The following CES1 variants were observed in gnomAD, a reference collection of about 807,000 sequenced individuals.
The protein encoded by CES1 is carboxylesterase 1, also known as liver carboxylesterase 1.
A neutral mutation model predicts 53.0 loss-of-function variants in CES1; 50 were observed. The ratio of observed to expected loss-of-function variants is 0.94; its 90% CI spans 0.75 to 1.19. CES1 has a LOEUF of 1.19. CES1 is among the 50% of genes most tolerant of loss of function. CES1 has a pLI of 0.00. For synonymous variants in CES1, 202 were observed against 210.1 expected (o/e 0.96, Z 0.33); for missense variants, 534 against 538.0 (o/e 0.99, Z 0.07).
chr16:55,808,393 A>G (rs368160333), intron 11 of CES1, among the ~76,000 whole-genome samples: 214 of 152,360 alleles, frequency 1.4e-3, no homozygotes, highest in African/African-American at 5.0e-3. Flanking sequence ...AGCAGAGACA[A>G]TGAGAGGGCT....
chr16:55,824,205 A>T (rs1238067635), intron 3 of CES1, among the ~76,000 whole-genome samples: 2 of 152,122 alleles, frequency 1.3e-5, no homozygotes, highest in Non-Finnish European at 2.9e-5. Flanking sequence ...GCATCCCCAA[A>T]TCCTATCCAC....
At chr16:55,822,891 G>A (rs1192670302) in intron 4 of CES1, among the ~76,000 whole-genome samples, 1 of 152,086 alleles carries the variant, frequency 6.6e-6, no homozygotes, top group Non-Finnish European at 1.5e-5. Context: ...GAAGAAACCT[G>A]ACTGGCATGG....
intron 4 of CES1, 127 bp from the exon 5 acceptor site, chr16:55,821,648 A>C: frequency 9.8e-7 from 1 of 1,016,052 alleles, no homozygotes; most frequent in Non-Finnish European, 1.5e-6. Context: ...CATCTCTGAG[A>C]CCCTGCTTTC....
rs147516905 is a variant in CES1 at position 55,832,721 on chromosome 16, G to A, written c.52+283C>T. On this transcript the variant is annotated intron_variant, in intron 1 of 13. Transcript: ENST00000360526. The stretch of plus-strand genomic sequence containing the variant: ...GACTAATTAAGGGACAGCAAACTGA[G>A]CTGCCTAAATTTCTCGTGTGTGCGG... Among the ~76,000 whole-genome samples, 3 of 152,344 alleles carry A rather than the reference G, an allele frequency of 2.0e-5. No homozygotes were observed. In the East Asian group the frequency reaches 5.8e-4, roughly 29 times the overall value.
At chr16:55,819,837 A>T (rs1407723455) in intron 6 of CES1, among the ~76,000 whole-genome samples, 198 bp from the exon 7 acceptor site, 3 of 152,340 alleles carry the variant, frequency 2.0e-5, no homozygotes, top group East Asian at 3.8e-4. Flanking sequence ...ACATGGGTCA[A>T]TTATGTAATC....
chr16:55,814,628 G>C (rs1401431719), intron 8 of CES1, among the ~76,000 whole-genome samples: 3 of 152,198 alleles, frequency 2.0e-5, no homozygotes, highest in African/African-American at 7.2e-5. Context: ...GGTTGCTGTG[G>C]GTCCCTCTCA....
At chr16:55,831,796 C>T (rs1205801909) in intron 1 of CES1, among the ~76,000 whole-genome samples, 1 of 151,738 alleles carries the variant, frequency 6.6e-6, no homozygotes, top group Non-Finnish European at 1.5e-5. Context: ...TGTCAGGATT[C>T]AGGACCCAGA....
chr16:55,815,382 A>G (rs756654673), intron 8 of CES1, among the ~76,000 whole-genome samples: 1 of 152,342 alleles, frequency 6.6e-6, no homozygotes, highest in African/African-American at 2.4e-5. Context: ...ACCATGAGAC[A>G]TGGAAATGGG....
At position 55,810,623 on chromosome 16, in the gene CES1, G is replaced by A. The variant is rs1201627786; in HGVS notation, c.1212C>T (p.Tyr404=). The change falls in exon 11 of 14, where the codon TAC becomes TAT. Residue 404 remains tyrosine, a synonymous_variant. Transcript: ENST00000360526. The stretch of plus-strand genomic sequence containing the variant: ...TGACAGTGTCGTCTGTTCCTCCTAA[G>A]TATTTCTCAGTGGCTTCTGGAATCA... ...KELIPEATEK[Y]LGGTDDTVKK... The A allele has an allele frequency of 6.2e-6, 10 of 1,614,164 alleles. No homozygotes were observed. The highest frequency in any genetic ancestry group is 1.3e-5 in the African/African-American group (1 of 75,026).
In CES1 at chr16:55,812,977, C is replaced by G. The variant is rs1278133833; in HGVS notation, c.1012G>C (p.Ala338Pro). ...GGGACAGTGTGGAAATTCCTTTCAG[C>G]TTGAAGCTCTTCAGGTGTTTTCAGC... Reference protein sequence around the residue: ...LLLKTPEELQAERNFHTVPYM... With the variant: ...LLLKTPEELQPERNFHTVPYM... The change falls in exon 9 of 14, where the codon GCT becomes CCT. Residue 338 changes from alanine to proline, a missense_variant. Transcript: ENST00000360526. The G allele has an allele frequency of 6.2e-7, 1 of 1,614,070 alleles. No homozygotes were observed. The highest frequency in any genetic ancestry group is 1.7e-5 in the Admixed American group (1 of 60,026).
At chr16:55,809,918 C>T (rs1247413673) in intron 11 of CES1, among the ~76,000 whole-genome samples, 1 of 152,232 alleles carries the variant, frequency 6.6e-6, no homozygotes, top group African/African-American at 2.4e-5. Context: ...GCAGCAGATG[C>T]TGCCAGGGTC....
In CES1 at chr16:55,831,343, T is replaced by A. The variant is rs1250924782; in HGVS notation, c.52+1661A>T. 2.6e-5 allele frequency among the ~76,000 whole-genome samples: 4 copies of A among 151,492 alleles called. No homozygotes were observed. In the East Asian group the frequency reaches 7.7e-4, roughly 29 times the overall value. ...GTCAGAGAAGAAACCACTGGGCTGGTCATGCTCAGCTCAGGGATTCCCTTC... is the reference window on the plus strand; with the variant it reads ...GTCAGAGAAGAAACCACTGGGCTGGACATGCTCAGCTCAGGGATTCCCTTC... On this transcript the variant is annotated intron_variant, in intron 1 of 13. Transcript: ENST00000360526.
Position 55,810,922 on chromosome 16 carries a change from C to T in CES1, c.1170+5G>A, listed in dbSNP as rs2031662125. ...AGCCAATTCCCATGATTCCTAGACT[C>T]TTACAACAAGGGGATAGGACTTCCA... On this transcript the variant is annotated splice_donor_5th_base_variant and intron_variant, in intron 10 of 13. Coordinates refer to ENST00000360526, the MANE Select transcript of CES1 (RefSeq NM_001025195.2). 6.2e-7 allele frequency: 1 copy of T among 1,612,510 alleles called. No individual in the cohort carries two copies. The highest frequency in any genetic ancestry group is 8.5e-7 in the Non-Finnish European group (1 of 1,178,916).
intron 7 of CES1, among the ~76,000 whole-genome samples, chr16:55,818,204 C>T (rs1162892362): frequency 6.6e-6 from 1 of 152,160 alleles, no homozygotes; most frequent in Non-Finnish European, 1.5e-5. Flanking sequence ...TCCCAATGGC[C>T]CTGGGTGCTG....
intron 8 of CES1, among the ~76,000 whole-genome samples, chr16:55,815,996 T>C (rs1352676993): frequency 6.6e-6 from 1 of 152,286 alleles, no homozygotes; most frequent in Non-Finnish European, 1.5e-5. Flanking sequence ...TGTCAGGGTC[T>C]TTGCAGTGAC....
At chr16:55,812,829 A>T in intron 9 of CES1, 74 bp downstream of exon 9, 1 of 1,596,578 alleles carries the variant, frequency 6.3e-7, no homozygotes, top group Admixed American at 1.7e-5. Context: ...CGGAGAGGGA[A>T]GCATTCCTGG....
chr16:55,825,917 G>A (rs542096108), intron 3 of CES1, among the ~76,000 whole-genome samples: 6 of 152,186 alleles, frequency 3.9e-5, no homozygotes, highest in African/African-American at 1.4e-4. Flanking sequence ...AGGGAACTTG[G>A]AACAATTAAG....
intron 11 of CES1, among the ~76,000 whole-genome samples, chr16:55,810,217 C>A (rs1298514019): frequency 6.6e-6 from 1 of 152,156 alleles, no homozygotes; most frequent in African/African-American, 2.4e-5. Context: ...AGTGGATACT[C>A]CCTTGACAAC....
intron 1 of CES1, among the ~76,000 whole-genome samples, chr16:55,829,415 A>G (rs1332702382): frequency 6.1e-3 from 739 of 121,130 alleles, no homozygotes; most frequent in African/African-American, 0.012. Flanking sequence ...GGAAGTGGCC[A>G]TGTCCTGGGA....
Sources: gnomAD v4.1 joint callset for allele counts (sites outside exome capture counted in the v4.1 genomes callset) on GRCh38, gnomAD v4.1.1 for gene constraint, MANE v1.5 for transcripts, NCBI Gene and HGNC (gene_info 2026-07-23, HGNC 2026-07-21) for gene names.